The following RPL18A variants were observed in gnomAD, a reference collection of about 807,000 sequenced individuals.
RPL18A encodes ribosomal protein L18a.
For missense variants in RPL18A, 163 were observed against 254.1 expected (o/e 0.64, Z 2.44); for synonymous variants, 122 against 96.9 (o/e 1.26, Z -1.52).
At chr19:17,862,768 C>T in intron 3 of RPL18A, 150 bp from the exon 4 acceptor site, 2 of 760,436 alleles carry the variant, frequency 2.6e-6, no homozygotes, top group East Asian at 2.4e-5. Flanking sequence ...TATCTCGCTT[C>T]CCCACCACCA....
intron 1 of RPL18A, chr19:17,861,012 A>T (rs2094276293): frequency 2.1e-6 from 1 of 476,664 alleles, no homozygotes; most frequent in East Asian, 3.8e-5. Flanking sequence ...TGTGGGTCTA[A>T]GCCACAGCTT....
In RPL18A at chr19:17,862,203, C is replaced by T. The variant is rs756386733; in HGVS notation, c.308C>T (p.Ala103Val). Residue 103 changes from alanine to valine, a missense_variant, in exon 3 of 5, where the codon GCA becomes GTA. Physicochemically the swap from Ala to Val is moderately conservative, Grantham distance 64. Transcript: ENST00000222247. Reference protein sequence around the residue: ...MYREYRDLTTAGAVTQCYRDM... With the variant: ...MYREYRDLTTVGAVTQCYRDM... ...CGGGAATACCGGGACCTGACCACCG[C>T]AGGCGCTGTCACCCAGTGCTGTAAG... 1 of 1,613,462 alleles carries T rather than the reference C, an allele frequency of 6.2e-7. No individual in the cohort carries two copies. The highest frequency in any genetic ancestry group is 8.5e-7 in the Non-Finnish European group (1 of 1,180,020).
chr19:17,860,172 C>T (rs1691084800), intron 1 of RPL18A, 198 bp downstream of exon 1: 2 of 533,624 alleles, frequency 3.7e-6, no homozygotes, highest in African/African-American at 2.0e-5. Flanking sequence ...GTGACCTGGG[C>T]CAGCTCAGGG....
intron 2 of RPL18A, chr19:17,861,859 TGGTGTCCGTGG>T (rs2094277998): frequency 1.7e-6 from 1 of 574,446 alleles, no homozygotes; most frequent in Non-Finnish European, 3.1e-6. Context: ...GGGGCTGGGT[TGGTGTCCGTGG>T]CAGAAGCCTG....
rs777141452 is a variant in RPL18A, at chr19:17,859,922, C to G, written c.-35C>G. The G allele has an allele frequency of 1.9e-6, 3 of 1,543,710 alleles. No individual in the cohort carries two copies. The highest frequency in any genetic ancestry group is 2.0e-5 in the Admixed American group (1 of 50,446). On this transcript the variant is annotated 5_prime_UTR_variant, in exon 1 of 5. Coordinates refer to ENST00000222247, the MANE Select transcript of RPL18A (RefSeq NM_000980.4). The stretch of plus-strand genomic sequence containing the variant: ...ACGGCTGCGCGACAGAGGACACTTC[C>G]TTTTGCGGGTGGCGGCGAACGCGGA...
At chr19:17,860,444 C>G (rs955542237) in intron 1 of RPL18A, 1 of 159,728 alleles carries the variant, frequency 6.3e-6, no homozygotes, top group African/African-American at 2.4e-5. Flanking sequence ...TCAAACGGCT[C>G]TATGGCGCAG....
intron 1 of RPL18A, chr19:17,860,281 T>C: frequency 2.3e-6 from 1 of 430,898 alleles, no homozygotes; most frequent in Non-Finnish European, 4.1e-6. Flanking sequence ...AGCCGCCAAG[T>C]TTCTGTTTTC....
In RPL18A at chr19:17,862,186, C is replaced by T. The variant is rs751964161; in HGVS notation, c.291C>T (p.Tyr97=). The change falls in exon 3 of 5, where the codon TAC becomes TAT. Residue 97 remains tyrosine (Y), a synonymous_variant. Transcript: ENST00000222247. Reference sequence around the variant, plus strand: ...GCACCCACAACATGTACCGGGAATACCGGGACCTGACCACCGCAGGCGCTG... The same window carrying T: ...GCACCCACAACATGTACCGGGAATATCGGGACCTGACCACCGCAGGCGCTG... ...RSGTHNMYRE[Y]RDLTTAGAVT... 6.2e-7 allele frequency: 1 copy of T among 1,613,440 alleles called. No homozygotes were observed.
chr19:17,862,838 A>G (rs575420826), intron 3 of RPL18A, 80 bp from the exon 4 acceptor site: 9 of 938,044 alleles, frequency 9.6e-6, no homozygotes, highest in Admixed American at 3.5e-5. Flanking sequence ...GTGTCAGGTC[A>G]TTGGGCAGGC....
rs776543466 is a variant in RPL18A at position 17,863,013 on chromosome 19, G to A, written c.424G>A (p.Val142Ile). ...GGCCAGCAAGTGCCGCCGGCCGGCT[G>A]TCAAGCAGTTCCACGTGAGTGCCCT... ...IAASKCRRPA[V>I]KQFHDSKIKF... The change falls in exon 4 of 5, where the codon GTC (valine) becomes ATC (isoleucine). Residue 142 changes from valine to isoleucine, a missense_variant. Transcript: ENST00000222247. The A allele has an allele frequency of 6.2e-7, 1 of 1,611,862 alleles. No homozygotes were observed. The highest frequency in any genetic ancestry group is 8.5e-7 in the Non-Finnish European group (1 of 1,178,644).
chr19:17,861,567 C>A, intron 2 of RPL18A, 95 bp downstream of exon 2: 3 of 1,008,336 alleles, frequency 3.0e-6, no homozygotes, highest in Non-Finnish European at 4.4e-6. Flanking sequence ...CGAACGGGTG[C>A]GGTAGCTCAA....
chr19:17,863,319 C>A lies in RPL18A; in HGVS notation c.*56C>A. The A allele has an allele frequency of 1.6e-6, 2 of 1,259,350 alleles. No homozygotes were observed. Among genetic ancestry groups the A allele is most frequent in the Non-Finnish European group, 2.3e-6 (2 of 878,488 alleles). 78.0% of individuals were successfully genotyped at this position (1,259,350 alleles called of 1,614,324 possible). A position where few individuals can be genotyped will look rare whatever the true frequency, so the allele number is the denominator to read the frequency against. ...ATAAACTCAGGAACGCCCCGGTGCT[C>A]GCCGCATGTTTTCTTTGCACACTGC... On this transcript the variant is annotated 3_prime_UTR_variant, in exon 5 of 5. Coordinates refer to ENST00000222247, the MANE Select transcript of RPL18A (RefSeq NM_000980.4).
rs2094274003 is a variant in RPL18A, at chr19:17,859,955, C to T, written c.-2C>T. ...GGTGGCGGCGAACGCGGAGAGCACG[C>T]CATGAAGGCCTCGGGCACGGTAAGG... On this transcript the variant is annotated 5_prime_UTR_variant, in exon 1 of 5. Coordinates refer to ENST00000222247, the MANE Select transcript of RPL18A (RefSeq NM_000980.4). The T allele has an allele frequency of 2.6e-6, 4 of 1,540,100 alleles. No homozygotes were observed. Among genetic ancestry groups the T allele is most frequent in the Non-Finnish European group, 1.7e-6 (2 of 1,144,200 alleles).
chr19:17,863,093 C>T (rs552895633), intron 4 of RPL18A, 66 bp downstream of exon 4: 59 of 1,538,430 alleles, frequency 3.8e-5, no homozygotes, highest in South Asian at 1.0e-4. Flanking sequence ...CAGTGGGGGG[C>T]GGCTACACCT....
At chr19:17,862,771 C>A in intron 3 of RPL18A, 147 bp from the exon 4 acceptor site, 1 of 760,922 alleles carries the variant, frequency 1.3e-6, no homozygotes, top group Non-Finnish European at 2.4e-6. Flanking sequence ...CTCGCTTCCC[C>A]ACCACCACCT....
chr19:17,861,222 A>G, intron 1 of RPL18A, 71 bp from the exon 2 acceptor site: 5 of 1,419,462 alleles, frequency 3.5e-6, no homozygotes, highest in Non-Finnish European at 3.9e-6. Flanking sequence ...TAGATGTAGG[A>G]AAGGGAGTGA....
Position 17,859,953 on chromosome 19 carries a change from C to G in RPL18A, c.-4C>G, listed in dbSNP as rs2094273996. The G allele has an allele frequency of 1.2e-5, 19 of 1,540,920 alleles. No individual in the cohort carries two copies. Among genetic ancestry groups the G allele is most frequent in the Non-Finnish European group, 1.7e-5 (19 of 1,144,456 alleles). On this transcript the variant is annotated 5_prime_UTR_variant, in exon 1 of 5. Transcript: ENST00000222247. The stretch of plus-strand genomic sequence containing the variant: ...CGGGTGGCGGCGAACGCGGAGAGCA[C>G]GCCATGAAGGCCTCGGGCACGGTAA...
Position 17,861,485 on chromosome 19 carries a change from CG to C in RPL18A, c.198+17del, listed in dbSNP as rs778870659. The C allele has an allele frequency of 7.0e-6, 11 of 1,568,384 alleles. No homozygotes were observed. In the African/African-American group the frequency reaches 1.3e-4, roughly 19 times the overall value. On this transcript the variant is annotated intron_variant, in intron 2 of 4. Transcript: ENST00000222247. ...CTACTGTGGGCAGGTATGGAGAGGC[CG>C]GGGCTACGTGGGGTCTGGAGTGGAT... is the stretch of plus-strand genomic sequence containing the variant.
At position 17,860,292 on chromosome 19, in the gene RPL18A, C is replaced by G. The variant is rs538235931; in HGVS notation, c.18+318C>G. On this transcript the variant is annotated intron_variant, in intron 1 of 4. Transcript: ENST00000222247. ...GTCGAGCCGCCAAGTTTCTGTTTTC[C>G]TTTCTGCAACGTGGACGTGGCGGTA... 1.2e-5 allele frequency: 5 copies of G among 422,810 alleles called. No individual in the cohort carries two copies. The East Asian group carries it at 2.0e-4, about 17-fold the overall frequency. The allele number at this position is 422,810 out of a possible 1,614,324, so 26.2% of individuals were successfully genotyped here.
Sources: allele counts gnomAD v4.1 joint callset, GRCh38; gene constraint gnomAD v4.1.1; transcripts MANE v1.5; gene names NCBI Gene and HGNC (gene_info 2026-07-23, HGNC 2026-07-21).